Variants in NEK1 observed in about 807,000 individuals in gnomAD.
NEK1 encodes NIMA related kinase 1, also known as serine/threonine-protein kinase Nek1.
In NEK1, 137 loss-of-function variants were observed where a neutral mutation model predicts 182.1. That is an observed-to-expected ratio of 0.75 (90% CI 0.65 to 0.87). NEK1 has a LOEUF of 0.87. Ranked by LOEUF, NEK1 falls within the 40% of genes least tolerant of loss-of-function variation. The pLI is 0.00. For missense variants in NEK1, 1,391 were observed against 1,494.4 expected (o/e 0.93, Z 1.14); for synonymous variants, 513 against 492.2 (o/e 1.04, Z -0.56).
At chr4:169,496,740 C>T (rs1751379796) in intron 23 of NEK1, among the ~76,000 whole-genome samples, 1 of 151,870 alleles carries the variant, frequency 6.6e-6, no homozygotes, top group African/African-American at 2.4e-5. Context: ...AGCCTTGCAT[C>T]CCAGGGATGA....
intron 23 of NEK1, among the ~76,000 whole-genome samples, chr4:169,497,635 T>G (rs1260857856): frequency 3.9e-5 from 6 of 152,222 alleles, no homozygotes; most frequent in Admixed American, 1.3e-4. Context: ...AAAGAATATC[T>G]TTATTTCTGC....
At chr4:169,534,474 C>T (rs145687118) in intron 19 of NEK1, among the ~76,000 whole-genome samples, 185 of 152,196 alleles carry the variant, frequency 1.2e-3, no homozygotes, top group African/African-American at 3.7e-3. Flanking sequence ...AAGAGCTGCA[C>T]GGGGGAAGGG....
intron 27 of NEK1, among the ~76,000 whole-genome samples, chr4:169,457,362 T>C (rs181385033): frequency 1.8e-4 from 27 of 151,430 alleles, no homozygotes; most frequent in African/African-American, 6.3e-4. Context: ...CAATAGTTAA[T>C]AAGACATTAA....
chr4:169,584,622 T>A (rs1191596618), intron 10 of NEK1, among the ~76,000 whole-genome samples: 3 of 151,950 alleles, frequency 2.0e-5, no homozygotes, highest in African/African-American at 7.3e-5. Context: ...AAAAATAATT[T>A]AAAAAAAATT....
chr4:169,508,213 T>C (rs1753627278), intron 21 of NEK1, 35 bp downstream of exon 21: 2 of 1,528,942 alleles, frequency 1.3e-6, no homozygotes, highest in African/African-American at 1.4e-5. Context: ...TATGACATCA[T>C]TCAATTTCTT....
intron 27 of NEK1, among the ~76,000 whole-genome samples, chr4:169,442,660 G>A (rs1739704121): frequency 6.6e-6 from 1 of 152,060 alleles, no homozygotes; most frequent in Non-Finnish European, 1.5e-5. Context: ...AGGTATAGGA[G>A]AACACAGATA....
At chr4:169,578,031 A>G (rs1178795968) in intron 11 of NEK1, among the ~76,000 whole-genome samples, 1 of 152,148 alleles carries the variant, frequency 6.6e-6, no homozygotes, top group East Asian at 1.9e-4. Context: ...CTGGAGAGCA[A>G]TCTATATTAA....
intron 23 of NEK1, among the ~76,000 whole-genome samples, chr4:169,494,100 CTT>C (rs58999473): frequency 9.1e-5 from 13 of 142,424 alleles, no homozygotes; most frequent in Non-Finnish European, 1.4e-4. Context: ...GGATTTCTTT[CTT>C]TTTTTTTTTT....
chr4:169,597,392 T>C (rs772093234), intron 5 of NEK1, among the ~76,000 whole-genome samples: 22 of 152,144 alleles, frequency 1.4e-4, no homozygotes, highest in South Asian at 6.2e-4. Context: ...GGTAGGAAGA[T>C]TGCTTGAAGC....
intron 6 of NEK1, among the ~76,000 whole-genome samples, chr4:169,589,754 A>G (rs1299906978): frequency 6.6e-6 from 1 of 152,208 alleles, no homozygotes; most frequent in Non-Finnish European, 1.5e-5. Context: ...AAACATAGGA[A>G]TAAATCTTCA....
At chr4:169,442,767 C>T (rs1489753128) in intron 27 of NEK1, among the ~76,000 whole-genome samples, 1 of 152,178 alleles carries the variant, frequency 6.6e-6, no homozygotes, top group African/African-American at 2.4e-5. Flanking sequence ...GATGCTATGA[C>T]TCACAAATGT....
intron 23 of NEK1, among the ~76,000 whole-genome samples, 187 bp from the exon 24 acceptor site, chr4:169,479,721 T>C (rs911571785): frequency 6.6e-6 from 1 of 152,078 alleles, no homozygotes; most frequent in African/African-American, 2.4e-5. Flanking sequence ...GAGAAAAAAA[T>C]CTCTGGTCTC....
At chr4:169,509,478 T>C (rs1267438659) in intron 19 of NEK1, among the ~76,000 whole-genome samples, 1 of 152,172 alleles carries the variant, frequency 6.6e-6, no homozygotes, top group Non-Finnish European at 1.5e-5. Flanking sequence ...CACTTTCCTG[T>C]CAAATGTCTT....
chr4:169,552,278 G>A (rs747919311), intron 18 of NEK1, among the ~76,000 whole-genome samples: 10 of 151,248 alleles, frequency 6.6e-5, no homozygotes, highest in Non-Finnish European at 1.5e-4. Context: ...AAATACAGCT[G>A]TTTCAACATC....
At chr4:169,552,806 A>G (rs985065453) in intron 18 of NEK1, among the ~76,000 whole-genome samples, 1 of 152,174 alleles carries the variant, frequency 6.6e-6, no homozygotes, top group African/African-American at 2.4e-5. Flanking sequence ...GAACAAGTAG[A>G]ATTTGAAATT....
chr4:169,436,158 C>T (rs1738375334), intron 28 of NEK1, among the ~76,000 whole-genome samples: 1 of 152,226 alleles, frequency 6.6e-6, no homozygotes, highest in African/African-American at 2.4e-5. Context: ...CCAGCCTTGG[C>T]TTCCCAAAGT....
At position 169,556,092 on chromosome 4, in the gene NEK1, G is replaced by T; in HGVS notation, c.1270C>A (p.Pro424Thr). The T allele has an allele frequency of 1.2e-6, 2 of 1,611,296 alleles. No individual in the cohort carries two copies. Among genetic ancestry groups the T allele is most frequent in the African/African-American group, 2.7e-5 (2 of 74,994 alleles). ...SAGGSGEVKAPFLGSGGTIAP... is the reference protein window; with the variant it reads ...SAGGSGEVKATFLGSGGTIAP... ...ATAGTCCCTCCACTGCCCAGAAAAG[G>T]AGCCTAGGGATTAAACAAAGAGCTC... The change falls in exon 17 of 36, where the codon CCT (proline) becomes ACT (threonine). Residue 424 changes from proline (P) to threonine (T), a missense_variant. Transcript: ENST00000507142.
intron 12 of NEK1, among the ~76,000 whole-genome samples, chr4:169,568,881 G>C (rs1002338249): frequency 1.3e-4 from 20 of 148,570 alleles, no homozygotes; most frequent in Non-Finnish European, 1.3e-4. Flanking sequence ...AGGTTGCAGT[G>C]AGCCGAGATC....
chr4:169,599,251 G>C (rs1386814737), intron 4 of NEK1, 54 bp from the exon 5 acceptor site: 1 of 1,326,894 alleles, frequency 7.5e-7, no homozygotes, highest in Non-Finnish European at 1.1e-6. Context: ...CAAAAGCATG[G>C]CTAAATTAAA....
Sources: allele counts gnomAD v4.1 joint callset (sites outside exome capture counted in the v4.1 genomes callset), GRCh38; gene constraint gnomAD v4.1.1; transcripts MANE v1.5; gene names NCBI Gene and HGNC (gene_info 2026-07-23, HGNC 2026-07-21).